Variants in ADAMTS9 observed in about 807,000 individuals in gnomAD.
ADAMTS9 encodes ADAM metallopeptidase with thrombospondin type 1 motif 9.
ADAMTS9 carries 107 observed loss-of-function variants against 257.1 expected under a neutral mutation model. The ratio of observed to expected loss-of-function variants is 0.42; its 90% confidence interval spans 0.36 to 0.49. ADAMTS9 has a LOEUF of 0.49. Among genes scored for constraint, ADAMTS9 ranks in the 20% least tolerant of loss-of-function variants. The pLI, the probability that ADAMTS9 is intolerant of heterozygous loss-of-function variation, is 0.03. For missense variants in ADAMTS9, 2,353 were observed against 2,469.1 expected, an observed-to-expected ratio of 0.95 and a Z score of 1.00; for synonymous variants, 982 against 880.9, an observed-to-expected ratio of 1.11 and a Z score of -2.03.
chr3:64,658,466 A>G, intron 4 of ADAMTS9, 36 bp downstream of exon 4: 4 of 1,580,912 alleles, frequency 2.5e-6, no homozygotes, highest in Non-Finnish European at 3.4e-6. Flanking sequence ...GCACATTTAG[A>G]GACCTCATAA....
At chr3:64,656,540 C>T (rs980960055) in intron 4 of ADAMTS9, among the ~76,000 whole-genome samples, 14 of 152,266 alleles carry the variant, frequency 9.2e-5, no homozygotes, top group Admixed American at 8.5e-4. Flanking sequence ...AATTAAGTCA[C>T]TTGTCTGAGG....
At chr3:64,607,117 A>G in intron 22 of ADAMTS9, 38 bp from the exon 23 acceptor site, 1 of 1,606,234 alleles carries the variant, frequency 6.2e-7, no homozygotes, top group South Asian at 1.1e-5. Context: ...ACAATTCAGC[A>G]AATCTTCTCT....
At chr3:64,675,448 C>A (rs1701603004) in intron 3 of ADAMTS9, among the ~76,000 whole-genome samples, 1 of 152,042 alleles carries the variant, frequency 6.6e-6, no homozygotes. Flanking sequence ...GAGATTCTGT[C>A]TCTACAGTTT....
At chr3:64,681,773 G>T (rs1701763726) in intron 2 of ADAMTS9, among the ~76,000 whole-genome samples, 1 of 152,002 alleles carries the variant, frequency 6.6e-6, no homozygotes, top group South Asian at 2.1e-4. Flanking sequence ...ATGTTGCCTG[G>T]CTCAGCCTCC....
At chr3:64,517,416 G>GTTTTTTTTTTCTTTTTTTT (rs2082789693) in intron 39 of ADAMTS9, among the ~76,000 whole-genome samples, 1 of 52,638 alleles carries the variant, frequency 1.9e-5, no homozygotes, top group Admixed American at 3.8e-4. Context: ...ATTAAAAATG[G>GTTTTTTTTTTCTTTTTTTT]TTTTTTTTTT....
At chr3:64,546,489 G>A (rs1005109767) in intron 32 of ADAMTS9, among the ~76,000 whole-genome samples, 1 of 152,190 alleles carries the variant, frequency 6.6e-6, no homozygotes, top group African/African-American at 2.4e-5. Flanking sequence ...CAAAGGTTAT[G>A]CAACTTGCCC....
intron 16 of ADAMTS9, among the ~76,000 whole-genome samples, chr3:64,627,912 T>C (rs998353330): frequency 6.6e-6 from 1 of 152,198 alleles, no homozygotes; most frequent in Non-Finnish European, 1.5e-5. Context: ...ACCTTCTCAG[T>C]GCATGTGCTG....
chr3:64,602,601 A>T (rs1413348100), intron 25 of ADAMTS9, among the ~76,000 whole-genome samples: 1 of 152,088 alleles, frequency 6.6e-6, no homozygotes, highest in Non-Finnish European at 1.5e-5. Flanking sequence ...GGCCTTACTG[A>T]TGCTTCCTGA....
chr3:64,613,597 G>A lies in ADAMTS9; in HGVS notation c.3190-88C>T, dbSNP rs550169705. On this transcript the variant is annotated intron_variant, in intron 21 of 39. Transcript: ENST00000498707. The stretch of plus-strand genomic sequence containing the variant: ...TATTTATTGATGAGTAGGAACAGGT[G>A]TGTCCTTTTCCCACAGCAATCACTC... 5.3e-6 allele frequency: 7 copies of A among 1,329,212 alleles called. No homozygotes were observed. In the Admixed American group the frequency reaches 1.6e-4, roughly 30 times the overall value. The allele number at this position is 1,329,212 out of a possible 1,614,324, so 82.3% of individuals were successfully genotyped here.
chr3:64,644,491 C>T (rs954012864), intron 11 of ADAMTS9, among the ~76,000 whole-genome samples: 1 of 152,196 alleles, frequency 6.6e-6, no homozygotes, highest in Non-Finnish European at 1.5e-5. Context: ...ATTATTCACT[C>T]AATATCCATC....
intron 38 of ADAMTS9, among the ~76,000 whole-genome samples, chr3:64,531,326 T>C (rs1321192942): frequency 6.6e-6 from 1 of 152,142 alleles, no homozygotes; most frequent in Non-Finnish European, 1.5e-5. Context: ...GTATTTGCAA[T>C]AGGGTTTTCA....
Position 64,654,391 on chromosome 3 carries a change from C to G in ADAMTS9, c.1278G>C (p.Leu426Phe). ...CATGGGCGATCGTAAAAGCTGTACT[C>G]AATCCACTATCTTCACTAATAGAAC... The part of the protein sequence containing the change: ...RSCSISEDSG[L>F]STAFTIAHEL... The change falls in exon 8 of 40, where the codon TTG becomes TTC. Residue 426 changes from leucine to phenylalanine, a missense_variant. Coordinates refer to ENST00000498707, the MANE Select transcript of ADAMTS9 (RefSeq NM_182920.2). The G allele has an allele frequency of 6.2e-7, 1 of 1,614,108 alleles. No homozygotes were observed. Among genetic ancestry groups the G allele is most frequent in the East Asian group, 2.2e-5 (1 of 44,870 alleles).
intron 36 of ADAMTS9, 95 bp downstream of exon 36, chr3:64,540,997 CAAT>C: frequency 1.3e-6 from 2 of 1,487,720 alleles, no homozygotes; most frequent in Non-Finnish European, 1.8e-6. Flanking sequence ...GTGCAATGTG[CAAT>C]ACGCACCTCC....
intron 12 of ADAMTS9, 33 bp downstream of exon 12, chr3:64,641,815 G>T (rs372199950): frequency 1.9e-6 from 3 of 1,607,410 alleles, no homozygotes; most frequent in Non-Finnish European, 2.6e-6. Flanking sequence ...TCCTGCCACG[G>T]CAGTAATAAC....
intron 16 of ADAMTS9, among the ~76,000 whole-genome samples, chr3:64,625,597 G>C (rs1266497666): frequency 2.0e-5 from 3 of 152,130 alleles, no homozygotes; most frequent in Non-Finnish European, 4.4e-5. Context: ...TAACTGCATT[G>C]AATTCTGTTC....
In ADAMTS9 at chr3:64,615,445, G is replaced by C; in HGVS notation, c.3065C>G (p.Ala1022Gly). 1 of 1,613,954 alleles carries C rather than the reference G, an allele frequency of 6.2e-7. No individual in the cohort carries two copies. The highest frequency in any genetic ancestry group is 1.1e-5 in the South Asian group (1 of 91,076). The change falls in exon 21 of 40, where the codon GCT (alanine) becomes GGT (glycine). Residue 1022 changes from alanine to glycine, a missense_variant. Physicochemically the swap from Ala to Gly is moderately conservative, Grantham distance 60. This residue lies in a region of ADAMTS9 where 1,402 missense variants were observed against 1,441.4 expected (regional missense o/e 0.97). Coordinates refer to ENST00000498707, the MANE Select transcript of ADAMTS9 (RefSeq NM_182920.2). Reference protein sequence around the residue: ...SCDGGTQRRRAICVNTRNDVL... With the variant: ...SCDGGTQRRRGICVNTRNDVL... ...ATCATTTCGGGTATTGACACAAATA[G>C]CCCTTCTCCTCTGGGTCCCACCGTC... is the stretch of plus-strand genomic sequence containing the variant.
At chr3:64,548,001 T>C (rs2083224863) in intron 31 of ADAMTS9, among the ~76,000 whole-genome samples, 1 of 152,160 alleles carries the variant, frequency 6.6e-6, no homozygotes, top group South Asian at 2.1e-4. Flanking sequence ...GTGCCGGTAT[T>C]CTCTAGACTT....
intron 22 of ADAMTS9, among the ~76,000 whole-genome samples, chr3:64,607,411 G>A (rs1322145745): frequency 2.0e-5 from 3 of 152,100 alleles, no homozygotes; most frequent in Admixed American, 6.6e-5. Flanking sequence ...GCTAAAATAG[G>A]TACTTAATAG....
At chr3:64,622,085 A>T (rs562719020) in intron 18 of ADAMTS9, 113 bp downstream of exon 18, 8 of 1,109,344 alleles carry the variant, frequency 7.2e-6, no homozygotes, top group Non-Finnish European at 9.8e-6. Flanking sequence ...AGATTAGAGA[A>T]CGTATGCAGA....
Sources: allele counts gnomAD v4.1 joint callset (sites outside exome capture counted in the v4.1 genomes callset), GRCh38; gene constraint gnomAD v4.1.1; regional missense constraint gnomAD v4.1.1; transcripts MANE v1.5; gene names NCBI Gene and HGNC (gene_info 2026-07-23, HGNC 2026-07-21).